Variants in DPYD observed in about 807,000 individuals in gnomAD.
DPYD encodes dihydropyrimidine dehydrogenase [NADP(+)].
DPYD carries 109 observed loss-of-function variants against 116.2 expected under a neutral mutation model. That is an observed-to-expected ratio of 0.94 (90% CI 0.80 to 1.10). DPYD has a LOEUF of 1.10. Among genes scored for constraint, DPYD ranks in the 50% least tolerant of loss-of-function variants. DPYD has a pLI of 0.00. For synonymous variants in DPYD, 440 were observed against 432.0 expected (o/e 1.02, Z -0.23); for missense variants, 1,302 against 1,254.5 (o/e 1.04, Z -0.57).
At chr1:97,811,347 T>C (rs975067502) in intron 3 of DPYD, among the ~76,000 whole-genome samples, 1 of 152,128 alleles carries the variant, frequency 6.6e-6, no homozygotes, top group African/African-American at 2.4e-5. Flanking sequence ...CTACTTGTAC[T>C]TTGTATATGT....
chr1:97,619,060 G>A (rs889328718), intron 8 of DPYD, among the ~76,000 whole-genome samples: 1 of 151,710 alleles, frequency 6.6e-6, no homozygotes, highest in East Asian at 1.9e-4. Context: ...CTGTAAATGG[G>A]GATAATATAT....
At chr1:97,086,447 C>T (rs1293548198) in intron 21 of DPYD, among the ~76,000 whole-genome samples, 1 of 151,932 alleles carries the variant, frequency 6.6e-6, no homozygotes, top group Non-Finnish European at 1.5e-5. Flanking sequence ...TGATTCCGTC[C>T]CTGATGTTTC....
At chr1:97,292,048 G>A (rs1377430954) in intron 18 of DPYD, among the ~76,000 whole-genome samples, 2 of 151,908 alleles carry the variant, frequency 1.3e-5, no homozygotes, top group African/African-American at 2.4e-5. Flanking sequence ...TCAAAGTGGG[G>A]ACTAAAGTTG....
At chr1:97,154,015 G>T (rs1214759238) in intron 20 of DPYD, among the ~76,000 whole-genome samples, 2 of 150,168 alleles carry the variant, frequency 1.3e-5, no homozygotes, top group South Asian at 2.1e-4. Flanking sequence ...ATCGTGATGT[G>T]ATGAAAAGGG....
intron 11 of DPYD, among the ~76,000 whole-genome samples, chr1:97,550,266 C>T (rs1239279157): frequency 6.6e-6 from 1 of 151,790 alleles, no homozygotes; most frequent in East Asian, 1.9e-4. Context: ...TTTGCACTTA[C>T]TATTAAGCAA....
chr1:97,424,775 C>A lies in DPYD; in HGVS notation c.1905+25284G>T, dbSNP rs375172573. Reference sequence around the variant, plus strand: ...TGCCCACAGTGAACTGAAAAAAATCCTTTTCTGAATGCTGTCTTATTGAAG... The same window carrying A: ...TGCCCACAGTGAACTGAAAAAAATCATTTTCTGAATGCTGTCTTATTGAAG... On this transcript the variant is annotated intron_variant, in intron 14 of 22. Coordinates refer to ENST00000370192, the MANE Select transcript of DPYD (RefSeq NM_000110.4). 1.2e-4 allele frequency among the ~76,000 whole-genome samples: 18 copies of A among 152,024 alleles called. No homozygotes were observed. In the South Asian group the frequency reaches 3.1e-3, roughly 26 times the overall value.
At chr1:97,894,941 C>T (rs908595533) in intron 1 of DPYD, among the ~76,000 whole-genome samples, 7 of 151,568 alleles carry the variant, frequency 4.6e-5, no homozygotes, top group African/African-American at 1.7e-4. Context: ...GAATATCTTG[C>T]ATTTGCAAAA....
intron 21 of DPYD, among the ~76,000 whole-genome samples, chr1:97,096,277 C>G (rs1226901061): frequency 2.0e-5 from 3 of 151,874 alleles, no homozygotes; most frequent in Non-Finnish European, 4.4e-5. Flanking sequence ...TCTAAGTTAT[C>G]AATATTTAAT....
intron 18 of DPYD, among the ~76,000 whole-genome samples, chr1:97,249,732 T>C (rs373792183): frequency 6.6e-6 from 1 of 152,098 alleles, no homozygotes; most frequent in Non-Finnish European, 1.5e-5. Flanking sequence ...CATGAAGAAC[T>C]AGAAACCAAC....
chr1:97,744,672 A>C (rs1030619648), intron 3 of DPYD, among the ~76,000 whole-genome samples: 1 of 152,056 alleles, frequency 6.6e-6, no homozygotes, highest in African/African-American at 2.4e-5. Context: ...TAGATATTTA[A>C]TGTTCTACAT....
intron 10 of DPYD, among the ~76,000 whole-genome samples, chr1:97,576,220 C>T (rs1653253965): frequency 6.6e-6 from 1 of 152,104 alleles, no homozygotes; most frequent in African/African-American, 2.4e-5. Flanking sequence ...TATTGTGTTT[C>T]AAAATGTCAA....
chr1:97,158,744 G>T (rs1266368457), intron 20 of DPYD, among the ~76,000 whole-genome samples: 2 of 152,014 alleles, frequency 1.3e-5, no homozygotes, highest in Non-Finnish European at 2.9e-5. Flanking sequence ...AGATATCCAA[G>T]AAAGAAAGCT....
chr1:97,885,007 T>G (rs1672410265), intron 1 of DPYD, among the ~76,000 whole-genome samples: 1 of 152,014 alleles, frequency 6.6e-6, no homozygotes, highest in Non-Finnish European at 1.5e-5. Context: ...TGATACAACA[T>G]GTTTTCTAAA....
intron 20 of DPYD, among the ~76,000 whole-genome samples, chr1:97,171,976 A>G (rs1343275755): frequency 6.6e-6 from 1 of 152,178 alleles, no homozygotes; most frequent in Non-Finnish European, 1.5e-5. Context: ...GATAAAGCTC[A>G]CTAAAACAAA....
intron 20 of DPYD, among the ~76,000 whole-genome samples, chr1:97,166,121 C>T (rs1053071857): frequency 2.0e-5 from 3 of 152,114 alleles, no homozygotes; most frequent in Non-Finnish European, 1.5e-5. Flanking sequence ...CATAAAGATA[C>T]GTGTCCACAT....
At chr1:97,320,583 A>G (rs1668190645) in intron 16 of DPYD, among the ~76,000 whole-genome samples, 1 of 73,862 alleles carries the variant, frequency 1.4e-5, no homozygotes, top group Non-Finnish European at 2.7e-5. Flanking sequence ...GAAATAAAAG[A>G]GGACACAAAC....
rs150635601 is a variant in DPYD at position 97,545,192 on chromosome 1, C to T, written c.1524+4368G>A. Among the ~76,000 whole-genome samples the T allele has an allele frequency of 2.9e-3, 437 of 152,170 alleles. 1 individual carries two copies. Among genetic ancestry groups the T allele is most frequent in the African/African-American group, 9.9e-3 (413 of 41,536 alleles). The stretch of plus-strand genomic sequence containing the variant: ...TCTTATAATGAAAAAAAATTATGTG[C>T]ATGTTGTATATGTGCACCAATGTAA... On this transcript the variant is annotated intron_variant, in intron 12 of 22. Coordinates refer to ENST00000370192, the MANE Select transcript of DPYD (RefSeq NM_000110.4).
chr1:97,232,949 G>A (rs1661674114), intron 19 of DPYD, among the ~76,000 whole-genome samples: 1 of 152,024 alleles, frequency 6.6e-6, no homozygotes, highest in African/African-American at 2.4e-5. Flanking sequence ...CCTGGGTCTT[G>A]GTATCATGAG....
chr1:97,203,793 C>CAAAAAAAAAAAAAAAAAAAAAAA (rs56819543), intron 19 of DPYD, among the ~76,000 whole-genome samples: 1 of 65,694 alleles, frequency 1.5e-5, no homozygotes, highest in Non-Finnish European at 2.8e-5. Flanking sequence ...ATTCACATTC[C>CAAAAAAAAAAAAAAAAAAAAAAA]AAAAAAAAAA....
Sources: gnomAD v4.1 joint callset for allele counts (sites outside exome capture counted in the v4.1 genomes callset) on GRCh38, gnomAD v4.1.1 for gene constraint, MANE v1.5 for transcripts, NCBI Gene and HGNC (gene_info 2026-07-23, HGNC 2026-07-21) for gene names.